The following SOS2 variants were observed in gnomAD, a reference collection of about 807,000 sequenced individuals.
SOS2 encodes SOS Ras/Rho guanine nucleotide exchange factor 2.
SOS2 carries 65 observed loss-of-function variants against 148.2 expected under a neutral mutation model. The observed-to-expected ratio is 0.44, with a 90% CI of 0.36 to 0.54. SOS2 has a LOEUF of 0.54. Ranked by LOEUF, SOS2 falls within the 20% of genes least tolerant of loss-of-function variation. SOS2 has a pLI of 0.00. For synonymous variants in SOS2, 539 were observed against 537.1 expected (o/e 1.00, Z -0.05); for missense variants, 1,341 against 1,590.2 (o/e 0.84, Z 2.67).
At chr14:50,123,316 G>C (rs1566816530) in intron 21 of SOS2, among the ~76,000 whole-genome samples, 1 of 152,118 alleles carries the variant, frequency 6.6e-6, no homozygotes, top group Admixed American at 6.5e-5. Context: ...AAACTGTGTA[G>C]GGCCTGTGCG....
At chr14:50,132,648 G>A (rs943420721) in intron 19 of SOS2, among the ~76,000 whole-genome samples, 6 of 152,002 alleles carry the variant, frequency 3.9e-5, no homozygotes, top group South Asian at 2.1e-4. Flanking sequence ...GTGACAGAGC[G>A]AGACTCTGTC....
chr14:50,178,486 C>G (rs531884664), intron 7 of SOS2, among the ~76,000 whole-genome samples: 14 of 151,592 alleles, frequency 9.2e-5, no homozygotes, highest in Non-Finnish European at 1.8e-4. Context: ...TTTGTTGAGA[C>G]AGAGTCTCAC....
intron 8 of SOS2, among the ~76,000 whole-genome samples, chr14:50,171,069 G>A (rs7161477): frequency 0.86 from 129,403 of 150,602 alleles, 55,706 homozygotes; most frequent in East Asian, 0.91. Flanking sequence ...AGCCAAGATC[G>A]TGCCATTGCA....
intron 7 of SOS2, 47 bp from the exon 8 acceptor site, chr14:50,174,599 G>A (rs759844465): frequency 8.8e-7 from 1 of 1,140,298 alleles, no homozygotes; most frequent in South Asian, 1.4e-5. Flanking sequence ...TGACATCAAG[G>A]ATATGCAACA....
chr14:50,202,265 G>A (rs574304198), intron 2 of SOS2, among the ~76,000 whole-genome samples: 2 of 152,280 alleles, frequency 1.3e-5, no homozygotes, highest in African/African-American at 2.4e-5. Context: ...CACCTAGGCA[G>A]TTCATCTAAT....
chr14:50,163,487 G>A (rs995600935), intron 8 of SOS2, among the ~76,000 whole-genome samples: 2 of 152,152 alleles, frequency 1.3e-5, no homozygotes, highest in Non-Finnish European at 2.9e-5. Flanking sequence ...CAAGACACAT[G>A]TAGAGGTCTT....
chr14:50,163,393 T>C (rs1054516799), intron 8 of SOS2, among the ~76,000 whole-genome samples: 1 of 152,160 alleles, frequency 6.6e-6, no homozygotes, highest in Non-Finnish European at 1.5e-5. Context: ...AACTGGCTAT[T>C]GTTTGACAAC....
At chr14:50,224,733 A>G (rs115008558) in intron 1 of SOS2, among the ~76,000 whole-genome samples, 2,007 of 152,058 alleles carry the variant, frequency 0.013, 39 homozygotes, top group African/African-American at 0.045. Flanking sequence ...AAAAAATAAG[A>G]AAATTAGCTG....
intron 9 of SOS2, among the ~76,000 whole-genome samples, chr14:50,161,262 T>C (rs1357036603): frequency 2.0e-5 from 3 of 146,596 alleles, no homozygotes; most frequent in Admixed American, 6.9e-5. Context: ...ATTACACCAC[T>C]GCACTCCAGC....
intron 8 of SOS2, among the ~76,000 whole-genome samples, chr14:50,170,301 A>G (rs1885318620): frequency 6.6e-6 from 1 of 152,140 alleles, no homozygotes; most frequent in South Asian, 2.1e-4. Flanking sequence ...TATTATCTTA[A>G]CATATAATTC....
intron 1 of SOS2, among the ~76,000 whole-genome samples, chr14:50,218,218 G>GAAAA (rs35149667): frequency 2.1e-5 from 2 of 95,822 alleles, no homozygotes; most frequent in Admixed American, 1.1e-4. Flanking sequence ...TCGATAAAAG[G>GAAAA]AAAAAAAAAA....
At chr14:50,146,134 C>CAAAAAAAAAAAAAA (rs775495958) in intron 14 of SOS2, among the ~76,000 whole-genome samples, 1 of 85,180 alleles carries the variant, frequency 1.2e-5, no homozygotes, top group African/African-American at 4.4e-5. Context: ...GCTCTGTCTC[C>CAAAAAAAAAAAAAA]AAAAAAAAAA....
chr14:50,129,621 G>A (rs187225688), intron 21 of SOS2, among the ~76,000 whole-genome samples: 35 of 152,232 alleles, frequency 2.3e-4, no homozygotes, highest in East Asian at 7.7e-4. Flanking sequence ...TCCTGACCTC[G>A]TGATCCACCT....
At position 50,122,343 on chromosome 14, in the gene SOS2, A is replaced by C. The variant is rs911645271; in HGVS notation, c.3380-1959T>G. Among the ~76,000 whole-genome samples the C allele has an allele frequency of 2.6e-5, 4 of 150,986 alleles. No individual in the cohort carries two copies. The South Asian group carries it at 8.3e-4, about 31-fold the overall frequency. The stretch of plus-strand genomic sequence containing the variant: ...TTTTGAGGGAAAACAGCTTTAAATC[A>C]AGCTGATAATCTGGACAAAACAATG... On this transcript the variant is annotated intron_variant, in intron 21 of 22. Coordinates refer to ENST00000216373, the MANE Select transcript of SOS2 (RefSeq NM_006939.4).
At position 50,159,449 on chromosome 14, in the gene SOS2, T is replaced by C; in HGVS notation, c.1834A>G (p.Thr612Ala). ...CACATACCTGCATACATATGATATG[T>C]TAACCTTTCAATTAATTTCACTACA... ...GTVVKLIERL[T>A]YHMYADPNFV... The change falls in exon 10 of 23, where the codon ACA becomes GCA. Residue 612 changes from threonine to alanine, a missense_variant. Thr to Ala is a moderately conservative substitution (Grantham distance 58). Coordinates refer to ENST00000216373, the MANE Select transcript of SOS2 (RefSeq NM_006939.4). The C allele has an allele frequency of 6.2e-7, 1 of 1,610,126 alleles. No homozygotes were observed. Among genetic ancestry groups the C allele is most frequent in the Non-Finnish European group, 8.5e-7 (1 of 1,177,200 alleles).
intron 19 of SOS2, among the ~76,000 whole-genome samples, chr14:50,131,898 T>G (rs1848227959): frequency 6.6e-6 from 1 of 152,156 alleles, no homozygotes; most frequent in Admixed American, 6.5e-5. Context: ...AGAGGACCTA[T>G]GATTAACAAC....
chr14:50,212,201 C>T (rs1886894410), intron 1 of SOS2, among the ~76,000 whole-genome samples: 1 of 152,242 alleles, frequency 6.6e-6, no homozygotes, highest in African/African-American at 2.4e-5. Flanking sequence ...ACAGGCCAGG[C>T]GCGGTGGCTC....
chr14:50,165,991 G>A (rs1383001682), intron 8 of SOS2, among the ~76,000 whole-genome samples: 5 of 152,176 alleles, frequency 3.3e-5, no homozygotes, highest in East Asian at 3.9e-4. Context: ...CTAATACCCC[G>A]TGGCTCTACC....
chr14:50,143,297 G>A (rs1369220442), intron 16 of SOS2, among the ~76,000 whole-genome samples: 23 of 140,036 alleles, frequency 1.6e-4, no homozygotes, highest in Admixed American at 7.7e-5. Flanking sequence ...TGGCACTCCA[G>A]CCTGGGTGAC....
Sources: allele counts gnomAD v4.1 joint callset (sites outside exome capture counted in the v4.1 genomes callset), GRCh38; gene constraint gnomAD v4.1.1; transcripts MANE v1.5; gene names NCBI Gene and HGNC (gene_info 2026-07-23, HGNC 2026-07-21).